WRAP73: variants seen among roughly 807,000 people sequenced by gnomAD.
The protein encoded by WRAP73 is WD repeat-containing protein WRAP73.
In WRAP73, 55 loss-of-function variants were observed where a neutral mutation model predicts 59.6. That is an observed-to-expected ratio of 0.92 (90% confidence interval 0.74 to 1.15). The LOEUF is 1.15. Among genes scored for constraint, WRAP73 ranks in the 50% most tolerant of loss-of-function variants. The pLI, the probability that WRAP73 is intolerant of heterozygous loss-of-function variation, is 0.00. For missense variants in WRAP73, 592 were observed against 608.1 expected (o/e 0.97, Z 0.28); for synonymous variants, 265 against 258.2 (o/e 1.03, Z -0.25).
intron 3 of WRAP73, among the ~76,000 whole-genome samples, chr1:3,640,547 G>A (rs189655207): frequency 2.1e-4 from 27 of 127,648 alleles, no homozygotes; most frequent in African/African-American, 8.3e-4. Flanking sequence ...CATCAGCAGG[G>A]CGGGGTGCAG....
chr1:3,640,437 C>T (rs112523767), intron 3 of WRAP73, among the ~76,000 whole-genome samples: 2 of 149,738 alleles, frequency 1.3e-5, no homozygotes, highest in Non-Finnish European at 3.0e-5. Flanking sequence ...ATCAGCAGGG[C>T]GGGGTGGAGC....
chr1:3,645,914 G>C (rs1011962048), intron 3 of WRAP73, among the ~76,000 whole-genome samples: 4 of 152,178 alleles, frequency 2.6e-5, no homozygotes, highest in African/African-American at 9.7e-5. Flanking sequence ...GGAAAGGTGC[G>C]AGCCGGCTCA....
At chr1:3,640,448 G>T (rs568447014) in intron 3 of WRAP73, among the ~76,000 whole-genome samples, 1 of 140,896 alleles carries the variant, frequency 7.1e-6, no homozygotes, top group African/African-American at 2.7e-5. Context: ...GGGGTGGAGC[G>T]CCCGAGGCTC....
At chr1:3,645,614 C>T (rs1380618076) in intron 3 of WRAP73, among the ~76,000 whole-genome samples, 1 of 152,194 alleles carries the variant, frequency 6.6e-6, no homozygotes, top group African/African-American at 2.4e-5. Context: ...TGGGCCCAAA[C>T]ACTGGGATCC....
chr1:3,631,446 G>A lies in WRAP73; in HGVS notation c.1240+20C>T. On this transcript the variant is annotated intron_variant, in intron 11 of 11. Coordinates refer to ENST00000270708, the MANE Select transcript of WRAP73 (RefSeq NM_017818.4). Reference sequence around the variant, plus strand: ...CACACAGCAAGGCTGCCACGTCCGTGGCCTCGGGGATGTGCTTACCTTCCC... The same window carrying A: ...CACACAGCAAGGCTGCCACGTCCGTAGCCTCGGGGATGTGCTTACCTTCCC... The A allele has an allele frequency of 6.4e-7, 1 of 1,570,874 alleles. No homozygotes were observed. Among genetic ancestry groups the A allele is most frequent in the African/African-American group, 1.3e-5 (1 of 74,176 alleles).
rs1251989246 is a variant in WRAP73, at chr1:3,631,601, C to T, written c.1105G>A (p.Val369Met). The change falls in exon 11 of 12, where the codon GTG becomes ATG. Residue 369 changes from valine to methionine, a missense_variant. Physicochemically the swap from Val to Met is conservative, Grantham distance 21. Coordinates refer to ENST00000270708, the MANE Select transcript of WRAP73 (RefSeq NM_017818.4). ...CGCACTGGGGACAGCTGCTCGAGCA[C>T]CGCGAACAGCCTCAGCTTCTGAATG... ...WDIQKLRLFA[V>M]LEQLSPVRAF... The T allele has an allele frequency of 3.7e-6, 6 of 1,606,016 alleles. No homozygotes were observed. The highest frequency in any genetic ancestry group is 4.2e-6 in the Non-Finnish European group (5 of 1,179,784).
intron 3 of WRAP73, among the ~76,000 whole-genome samples, chr1:3,645,454 GCGC>G (rs1644681095): frequency 9.5e-6 from 1 of 105,814 alleles, no homozygotes; most frequent in Non-Finnish European, 2.4e-5. Flanking sequence ...CCCGTGGTGT[GCGC>G]CGTGCAGCGG....
In WRAP73 at chr1:3,637,196, C is replaced by A; in HGVS notation, c.413-98G>T. 5 of 1,066,548 alleles carry A rather than the reference C, an allele frequency of 4.7e-6. No homozygotes were observed. In the South Asian group the frequency reaches 7.2e-5, roughly 15 times the overall value. 66.1% of individuals were successfully genotyped at this position (1,066,548 alleles called of 1,614,324 possible). A position where few individuals can be genotyped will look rare whatever the true frequency, so the allele number is the denominator to read the frequency against. On this transcript the variant is annotated intron_variant, in intron 4 of 11. Coordinates refer to ENST00000270708, the MANE Select transcript of WRAP73 (RefSeq NM_017818.4). ...ACAAGGAAGGAGGAGGAAAAGAAAGCAGAGGTGAAAAGAAGGGAAATGGCA... is the reference window on the plus strand; with the variant it reads ...ACAAGGAAGGAGGAGGAAAAGAAAGAAGAGGTGAAAAGAAGGGAAATGGCA...
In WRAP73 at chr1:3,647,446, A is replaced by G; in HGVS notation, c.184T>C (p.Phe62Leu). ...CGCTTGTACATGGCGCACAGGATGA[A>G]GAGCGAGTCTGCCGACCACTCGATG... Reference protein sequence around the residue: ...QHIEWSADSLFILCAMYKRGL... With the variant: ...QHIEWSADSLLILCAMYKRGL... The change falls in exon 2 of 12, where the codon TTC becomes CTC. Residue 62 changes from phenylalanine (F) to leucine (L), a missense_variant. Phe to Leu is a conservative substitution (Grantham distance 22). Coordinates refer to ENST00000270708, the MANE Select transcript of WRAP73 (RefSeq NM_017818.4). 1 of 1,613,922 alleles carries G rather than the reference A, an allele frequency of 6.2e-7. No individual in the cohort carries two copies. Among genetic ancestry groups the G allele is most frequent in the East Asian group, 2.2e-5 (1 of 44,882 alleles).
At chr1:3,640,509 GGCGGGGT>G (rs763103302) in intron 3 of WRAP73, among the ~76,000 whole-genome samples, 3,754 of 37,156 alleles carry the variant, frequency 0.1, 117 homozygotes, top group Non-Finnish European at 0.17. Flanking sequence ...GCATCAGCAG[GGCGGGGT>G]GCAGCGCCCG....
intron 8 of WRAP73, 92 bp from the exon 9 acceptor site, chr1:3,633,595 A>G: frequency 1.0e-6 from 1 of 981,576 alleles, no homozygotes; most frequent in Non-Finnish European, 1.5e-6. Context: ...CGCATGGTCA[A>G]CAGGTGTGCC....
At position 3,635,031 on chromosome 1, in the gene WRAP73, A is replaced by C. The variant is rs764961621; in HGVS notation, c.782T>G (p.Phe261Cys). Residue 261 changes from phenylalanine to cysteine, a missense_variant, in exon 8 of 12, where the codon TTT becomes TGT. Physicochemically the swap from Phe to Cys is radical, Grantham distance 205. Transcript: ENST00000270708. The stretch of plus-strand genomic sequence containing the variant: ...ATCATTAATGGCTGCAGGATGCCCA[A>C]ACTCCGTGATCATTTTCCAAGTCAC... The part of the protein sequence containing the change: ...NHVTWKMITE[F>C]GHPAAINDPK... 57 of 1,614,078 alleles carry C rather than the reference A, an allele frequency of 3.5e-5. No homozygotes were observed. Among genetic ancestry groups the C allele is most frequent in the Non-Finnish European group, 4.6e-5 (54 of 1,180,054 alleles).
At position 3,639,851 on chromosome 1, in the gene WRAP73, C is replaced by T. The variant is rs753866162; in HGVS notation, c.340-1029G>A. ...GACTGCCAGCTCCGTGTGTGTCAGG[C>T]AGGGGTCCTCGCTGAGGATGAGGCC... On this transcript the variant is annotated intron_variant, in intron 3 of 11. Transcript: ENST00000270708. This position sits in a 1 kb window ranked among gnomAD's most constrained non-coding sequence, Gnocchi z 4.3. Among the ~76,000 whole-genome samples the T allele has an allele frequency of 5.9e-5, 9 of 151,558 alleles. No homozygotes were observed. The highest frequency in any genetic ancestry group is 1.0e-4 in the Non-Finnish European group (7 of 68,002).
chr1:3,641,574 C>T (rs773305786), intron 3 of WRAP73, among the ~76,000 whole-genome samples: 6 of 152,168 alleles, frequency 3.9e-5, no homozygotes, highest in Admixed American at 2.0e-4. Context: ...CAGCAGGCAC[C>T]GGCTGCCGGA....
intron 3 of WRAP73, among the ~76,000 whole-genome samples, chr1:3,640,229 C>G (rs577957212): frequency 6.6e-6 from 1 of 152,360 alleles, no homozygotes; most frequent in South Asian, 2.1e-4. Flanking sequence ...TCCAGCTGCA[C>G]AGAGCACTTG....
chr1:3,632,842 CATCCT>C, intron 9 of WRAP73: 2 of 224,948 alleles, frequency 8.9e-6, no homozygotes, highest in South Asian at 1.1e-4. Context: ...TCCTGACCCC[CATCCT>C]GAGCACACAC....
intron 1 of WRAP73, among the ~76,000 whole-genome samples, chr1:3,648,448 G>A (rs760027868): frequency 1.2e-4 from 18 of 152,196 alleles, no homozygotes; most frequent in Admixed American, 5.2e-4. Flanking sequence ...GGCGGGTGAC[G>A]GCAGATTGGA....
intron 3 of WRAP73, among the ~76,000 whole-genome samples, chr1:3,643,625 G>T (rs1353645433): frequency 7.0e-6 from 1 of 142,998 alleles, no homozygotes; most frequent in Non-Finnish European, 1.5e-5. Flanking sequence ...GCTGAGCCCC[G>T]GACATGGGGT....
At chr1:3,637,248 G>A (rs1170136619) in intron 4 of WRAP73, 150 bp from the exon 5 acceptor site, 3 of 681,856 alleles carry the variant, frequency 4.4e-6, no homozygotes, top group Non-Finnish European at 7.4e-6. Context: ...TCCTCAGACA[G>A]ACAAGAACAT....
Sources: gnomAD v4.1 joint callset for allele counts (sites outside exome capture counted in the v4.1 genomes callset) on GRCh38, gnomAD v4.1.1 for gene constraint, Gnocchi (gnomAD v3.1) non-coding constraint, MANE v1.5 for transcripts, NCBI Gene and HGNC (gene_info 2026-07-23, HGNC 2026-07-21) for gene names.